MINDY1: variants seen among roughly 807,000 people sequenced by gnomAD.
The protein encoded by MINDY1 is MINDY lysine 48 deubiquitinase 1.
MINDY1 carries 50 observed loss-of-function variants against 53.6 expected under a neutral mutation model. That is an observed-to-expected ratio of 0.93 (90% CI 0.74 to 1.18). MINDY1 has a LOEUF of 1.18. Among genes scored for constraint, MINDY1 ranks in the 50% most tolerant of loss-of-function variants. The probability of loss-of-function intolerance (pLI) is 0.00; values close to 1 mark genes in which losing one functional copy is unlikely to be tolerated. For synonymous variants in MINDY1, 231 were observed against 234.7 expected (o/e 0.98, Z 0.14); for missense variants, 484 against 578.6 (o/e 0.84, Z 1.68).
chr1:150,999,426 C>A lies in MINDY1; in HGVS notation c.924G>T (p.Glu308Asp), dbSNP rs754892523. The A allele has an allele frequency of 1.2e-6, 2 of 1,614,160 alleles. No homozygotes were observed. Among genetic ancestry groups the A allele is most frequent in the East Asian group, 4.5e-5 (2 of 44,882 alleles). Residue 308 changes from glutamate to aspartate, a missense_variant, in exon 7 of 10, where the codon GAG (glutamate) becomes GAT (aspartate). By Grantham distance (45) the Glu-to-Asp change is conservative. Transcript: ENST00000683666. This position sits in a 1 kb window ranked among gnomAD's most constrained non-coding sequence, Gnocchi z 4.4. ...GLCELTAAAKEGELSVFFRNN... is the reference protein window; with the variant it reads ...GLCELTAAAKDGELSVFFRNN... ...TTCGGAAAAAGACGCTAAGTTCACCCTCCTTAGCAGCTGCTGTCAGCTCAC... is the reference window on the plus strand; with the variant it reads ...TTCGGAAAAAGACGCTAAGTTCACCATCCTTAGCAGCTGCTGTCAGCTCAC...
chr1:150,999,817 G>C lies in MINDY1; in HGVS notation c.838+45C>G. 6.5e-7 allele frequency: 1 copy of C among 1,537,834 alleles called. No homozygotes were observed. Among genetic ancestry groups the C allele is most frequent in the Non-Finnish European group, 9.0e-7 (1 of 1,112,496 alleles). The stretch of plus-strand genomic sequence containing the variant: ...CAATAAAAAATAAGCCTAAGTAGCT[G>C]TCATTCCCTCCACATACTATCCATG... On this transcript the variant is annotated intron_variant, in intron 6 of 9. Coordinates refer to ENST00000683666, the MANE Select transcript of MINDY1 (RefSeq NM_001376665.1). This position sits in a 1 kb window ranked among gnomAD's most constrained non-coding sequence, Gnocchi z 4.4.
At chr1:151,000,266 T>C (rs1672393885) in intron 5 of MINDY1, among the ~76,000 whole-genome samples, 191 bp downstream of exon 5, 1 of 152,184 alleles carries the variant, frequency 6.6e-6, no homozygotes, top group Non-Finnish European at 1.5e-5. Context: ...GCATGTAGTT[T>C]GCTTGTATTT....
Position 151,002,017 on chromosome 1 carries a change from A to G in MINDY1, c.453+148T>C. ...TTTTTTTTTCTTTGTTTTTAGGAAC[A>G]TCTTATCTCATTTGCTCAAGCTGGA... On this transcript the variant is annotated intron_variant, in intron 2 of 9. Coordinates refer to ENST00000683666, the MANE Select transcript of MINDY1 (RefSeq NM_001376665.1). This position sits in a 1 kb window ranked among gnomAD's most constrained non-coding sequence, Gnocchi z 4.1. 1 of 885,794 alleles carries G rather than the reference A, an allele frequency of 1.1e-6. No homozygotes were observed. The highest frequency in any genetic ancestry group is 1.7e-6 in the Non-Finnish European group (1 of 591,534). 54.9% of individuals were successfully genotyped at this position (885,794 alleles called of 1,614,324 possible).
chr1:151,000,753 C>T (rs1409562963), intron 4 of MINDY1, 138 bp from the exon 5 acceptor site: 3 of 878,206 alleles, frequency 3.4e-6, no homozygotes, highest in Non-Finnish European at 5.2e-6. Flanking sequence ...TCCCTTGCCT[C>T]AACCCTTCTC....
intron 7 of MINDY1, among the ~76,000 whole-genome samples, chr1:150,998,997 G>A (rs898612239): frequency 2.9e-4 from 44 of 152,234 alleles, no homozygotes; most frequent in Middle Eastern, 6.8e-3. Flanking sequence ...CTGTCCCATC[G>A]ACGGCAGGCT....
chr1:151,007,882 A>G (rs112390728), upstream of MINDY1, among the ~76,000 whole-genome samples: 2,175 of 152,318 alleles, frequency 0.014, 48 homozygotes, highest in African/African-American at 0.05. Flanking sequence ...TTAGGGTGGC[A>G]GAGAGCAAAA....
At position 150,997,623 on chromosome 1, in the gene MINDY1, C is replaced by T; in HGVS notation, c.1329+1G>A. 2 of 1,607,412 alleles carry T rather than the reference C, an allele frequency of 1.2e-6. No individual in the cohort carries two copies. The highest frequency in any genetic ancestry group is 1.7e-6 in the Non-Finnish European group (2 of 1,180,004). ...GTGTGGGCGCCCAGGCAGCAGCCCA[C>T]CTGCAGTGACAGGACCCGCGTCCGC... On this transcript the variant is annotated splice_donor_variant, in intron 9 of 9. Coordinates refer to ENST00000683666, the MANE Select transcript of MINDY1 (RefSeq NM_001376665.1). LOFTEE classifies it high-confidence loss of function.
chr1:151,002,683 A>G lies in MINDY1; in HGVS notation c.-66T>C, dbSNP rs1672718417. The G allele has an allele frequency of 2.5e-6, 4 of 1,610,980 alleles. No individual in the cohort carries two copies. The highest frequency in any genetic ancestry group is 1.7e-4 in the Middle Eastern group (1 of 6,038). ...CTAACCTCAGGGACTTGCCTAAGCC[A>G]GGCTTGGGATGCAAAAGAGTGACCT... On this transcript the variant is annotated 5_prime_UTR_variant, in exon 2 of 10. Coordinates refer to ENST00000683666, the MANE Select transcript of MINDY1 (RefSeq NM_001376665.1). This position sits in a 1 kb window ranked among gnomAD's most constrained non-coding sequence, Gnocchi z 4.1.
Position 150,999,499 on chromosome 1 carries a change from T to C in MINDY1, c.851A>G (p.Glu284Gly). Residue 284 changes from glutamate (E) to glycine (G), a missense_variant, in exon 7 of 10, where the codon GAG (glutamate) becomes GGG (glycine). Physicochemically the swap from Glu to Gly is moderately conservative, Grantham distance 98 (BLOSUM62 -2). Coordinates refer to ENST00000683666, the MANE Select transcript of MINDY1 (RefSeq NM_001376665.1). The surrounding 1 kb of genome is among the most constrained non-coding windows in gnomAD (Gnocchi z 4.4). ...TNLVTEGLIA[E>G]QFLETTAAQL... The stretch of plus-strand genomic sequence containing the variant: ...GGCCGCGGTGGTCTCCAGGAACTGC[T>C]CTGCAATCAGGCCTGCCAGAAAGGG... 4 of 1,613,836 alleles carry C rather than the reference T, an allele frequency of 2.5e-6. No homozygotes were observed. In the East Asian group the frequency reaches 8.9e-5, roughly 36 times the overall value.
chr1:150,996,979 G>T lies in MINDY1; in HGVS notation c.*308C>A, dbSNP rs932039559. ...GGCAGCAGGGATGGGAAGCAGAAGA[G>T]ATGCATTCTGGATAGGGACCTCACC... is the stretch of plus-strand genomic sequence containing the variant. On this transcript the variant is annotated 3_prime_UTR_variant, in exon 10 of 10. Coordinates refer to ENST00000683666, the MANE Select transcript of MINDY1 (RefSeq NM_001376665.1). The T allele has an allele frequency of 1.1e-5, 4 of 377,242 alleles. No individual in the cohort carries two copies. The highest frequency in any genetic ancestry group is 8.2e-5 in the African/African-American group (4 of 48,984). The allele number at this position is 377,242 out of a possible 1,614,324, so 23.4% of individuals were successfully genotyped here.
At position 151,002,390 on chromosome 1, in the gene MINDY1, A is replaced by G. The variant is rs765158917; in HGVS notation, c.228T>C (p.Ala76=). 2.4e-5 allele frequency: 39 copies of G among 1,613,936 alleles called. No homozygotes were observed. The highest frequency in any genetic ancestry group is 3.3e-5 in the Admixed American group (2 of 59,992). ...GTGTCCCAAGGGTTGGCCCCGGTGG[A>G]GCTGAGCTAGCTTCAGGCAGAGGGG... ...LESPLPEASS[A]PPGPTLGTLP... is the part of the protein sequence containing the mutation. Residue 76 remains alanine, a synonymous_variant, in exon 2 of 10, where the codon GCT becomes GCC. Transcript: ENST00000683666. The surrounding 1 kb of genome is among the most constrained non-coding windows in gnomAD (Gnocchi z 4.1).
Position 150,997,078 on chromosome 1 carries a change from A to C in MINDY1, c.*209T>G. ...TGAGAACCAGAAACCCACCAATCCT[A>C]GTGTTGCCCTGGATGGGAGGCAGAG... On this transcript the variant is annotated 3_prime_UTR_variant, in exon 10 of 10. Transcript: ENST00000683666. 1.7e-6 allele frequency: 1 copy of C among 603,244 alleles called. No homozygotes were observed. The highest frequency in any genetic ancestry group is 2.0e-5 in the South Asian group (1 of 50,500). 37.4% of individuals were successfully genotyped at this position (603,244 alleles called of 1,614,324 possible).
chr1:151,006,228 C>T, intron 1 of MINDY1, 84 bp downstream of exon 1: 2 of 1,531,862 alleles, frequency 1.3e-6, no homozygotes, highest in Non-Finnish European at 8.8e-7. Context: ...GGAAGGACAG[C>T]AGGTGTCAGC....
chr1:150,997,178 A>C lies in MINDY1; in HGVS notation c.*109T>G. On this transcript the variant is annotated 3_prime_UTR_variant, in exon 10 of 10. Transcript: ENST00000683666. ...TTTGTTGCCTGCTCTCATCCCCAAC[A>C]GTCCATAAATAAGTTATCCAGCACA... 3 of 1,144,824 alleles carry C rather than the reference A, an allele frequency of 2.6e-6. No homozygotes were observed. Among genetic ancestry groups the C allele is most frequent in the Non-Finnish European group, 3.8e-6 (3 of 791,414 alleles). 70.9% of individuals were successfully genotyped at this position (1,144,824 alleles called of 1,614,324 possible).
At position 150,997,070 on chromosome 1, in the gene MINDY1, C is replaced by G. The variant is rs1456600330; in HGVS notation, c.*217G>C. 1.7e-6 allele frequency: 1 copy of G among 596,712 alleles called. No homozygotes were observed. 37.0% of individuals were successfully genotyped at this position (596,712 alleles called of 1,614,324 possible). Reference sequence around the variant, plus strand: ...CCGGGAGTTGAGAACCAGAAACCCACCAATCCTAGTGTTGCCCTGGATGGG... The same window carrying G: ...CCGGGAGTTGAGAACCAGAAACCCAGCAATCCTAGTGTTGCCCTGGATGGG... On this transcript the variant is annotated 3_prime_UTR_variant, in exon 10 of 10. Coordinates refer to ENST00000683666, the MANE Select transcript of MINDY1 (RefSeq NM_001376665.1).
downstream of MINDY1, chr1:150,996,652 C>T (rs1036352128): frequency 1.3e-5 from 2 of 151,292 alleles, no homozygotes; most frequent in African/African-American, 4.9e-5. Flanking sequence ...AAGTGATTCT[C>T]CTGCCTCAGC....
At chr1:151,008,268 T>C, upstream of MINDY1, 1 of 1,215,796 alleles carries the variant, frequency 8.2e-7, no homozygotes, top group Non-Finnish European at 1.0e-6. Flanking sequence ...ACCGAACGAC[T>C]GATCCCTCAG....
At chr1:151,007,429 G>A (rs1229384222), upstream of MINDY1, among the ~76,000 whole-genome samples, 3 of 152,156 alleles carry the variant, frequency 2.0e-5, no homozygotes, top group Admixed American at 6.5e-5. Flanking sequence ...GCTTGAACCC[G>A]GGAGGTGGAG....
Position 151,006,605 on chromosome 1 carries a change from T to A in MINDY1, c.-383A>T, listed in dbSNP as rs1673246219. The stretch of plus-strand genomic sequence containing the variant: ...TCTTCAGGATTCCTGAGTCGCCGAG[T>A]CTATGGCATGCGCTCCGGGCCCTGA... On this transcript the variant is annotated 5_prime_UTR_variant, in exon 1 of 10. Transcript: ENST00000683666. 1.0e-6 allele frequency: 1 copy of A among 989,644 alleles called. No individual in the cohort carries two copies. The highest frequency in any genetic ancestry group is 1.2e-6 in the Non-Finnish European group (1 of 832,988). 61.3% of individuals were successfully genotyped at this position (989,644 alleles called of 1,614,324 possible).
Sources: gnomAD v4.1 joint callset for allele counts (sites outside exome capture counted in the v4.1 genomes callset) on GRCh38, gnomAD v4.1.1 for gene constraint, Gnocchi (gnomAD v3.1) non-coding constraint, MANE v1.5 for transcripts, NCBI Gene and HGNC (gene_info 2026-07-23, HGNC 2026-07-21) for gene names.